The following MYT1 variants were observed in gnomAD, a reference collection of about 807,000 sequenced individuals.
The protein encoded by MYT1 is myelin transcription factor I.
Under a neutral mutation model 123.0 loss-of-function variants are expected in MYT1, and 23 were observed. The observed-to-expected ratio is 0.19, with a 90% CI of 0.13 to 0.26. The LOEUF is 0.26. Among genes scored for constraint, MYT1 ranks in the 10% least tolerant of loss-of-function variants. The probability of loss-of-function intolerance (pLI) is 1.00; values close to 1 mark genes in which losing one functional copy is unlikely to be tolerated. For missense variants in MYT1, 1,125 were observed against 1,472.5 expected, an observed-to-expected ratio of 0.76 and a Z score of 3.86; for synonymous variants, 518 against 575.3, an observed-to-expected ratio of 0.90 and a Z score of 1.43.
intron 4 of MYT1, 142 bp downstream of exon 4, chr20:64,200,064 C>T: frequency 3.2e-6 from 3 of 949,554 alleles, no homozygotes; most frequent in Non-Finnish European, 5.1e-6. Flanking sequence ...GACTGCCTTT[C>T]TCCTGGCCAC....
In MYT1 at chr20:64,189,191, C is replaced by A. The variant is rs76266497; in HGVS notation, c.-98-872C>A. Reference sequence around the variant, plus strand: ...AAAGTGGGTGGGAATAGCGTGCCTTCGGCAGAATCCAAACTCACTTCCAAG... The same window carrying A: ...AAAGTGGGTGGGAATAGCGTGCCTTAGGCAGAATCCAAACTCACTTCCAAG... On this transcript the variant is annotated intron_variant, in intron 1 of 22. Coordinates refer to ENST00000328439, the MANE Select transcript of MYT1 (RefSeq NM_004535.3). The surrounding 1 kb of genome is among the most constrained non-coding windows in gnomAD (Gnocchi z 5.5). Among the ~76,000 whole-genome samples the A allele has an allele frequency of 5.9e-5, 9 of 152,184 alleles. No homozygotes were observed. Among genetic ancestry groups the A allele is most frequent in the Admixed American group, 3.9e-4 (6 of 15,286 alleles).
At chr20:64,181,587 C>T (rs1173761589) in intron 1 of MYT1, among the ~76,000 whole-genome samples, 2 of 152,326 alleles carry the variant, frequency 1.3e-5, no homozygotes, top group Middle Eastern at 3.4e-3. Context: ...TGTCCACATG[C>T]GTCTGGAGAG....
At chr20:64,195,120 C>G (rs1001848305) in intron 2 of MYT1, among the ~76,000 whole-genome samples, 1 of 152,014 alleles carries the variant, frequency 6.6e-6, no homozygotes, top group Middle Eastern at 3.2e-3. Context: ...TCCCAAAGTG[C>G]TGGGATTACA....
chr20:64,192,251 C>T lies in MYT1; in HGVS notation c.-1+2091C>T, dbSNP rs941642112. The stretch of plus-strand genomic sequence containing the variant: ...TCCCTTCTTTTCTTGCAGATAGGGC[C>T]GAGTGACTGCTCTGAATAGAGAAGC... On this transcript the variant is annotated intron_variant, in intron 2 of 22. Transcript: ENST00000328439. The surrounding 1 kb of genome is among the most constrained non-coding windows in gnomAD (Gnocchi z 5.3). Among the ~76,000 whole-genome samples, 1 of 152,128 alleles carries T rather than the reference C, an allele frequency of 6.6e-6. No homozygotes were observed. Among genetic ancestry groups the T allele is most frequent in the Non-Finnish European group, 1.5e-5 (1 of 68,020 alleles).
intron 6 of MYT1, among the ~76,000 whole-genome samples, chr20:64,206,402 G>A (rs909484222): frequency 1.3e-5 from 2 of 152,218 alleles, no homozygotes; most frequent in Admixed American, 1.3e-4. Context: ...GGACTGCCAT[G>A]TTGGAGCTCC....
rs1172893643 is a variant in MYT1, at chr20:64,236,622, A to G, written c.2965A>G (p.Ser989Gly). 5.0e-6 allele frequency: 8 copies of G among 1,613,632 alleles called. No individual in the cohort carries two copies. Among genetic ancestry groups the G allele is most frequent in the Non-Finnish European group, 6.8e-6 (8 of 1,179,842 alleles). ...KGKLSGDEVL[S>G]PKFKTSDVLE... The stretch of plus-strand genomic sequence containing the variant: ...AAAACTGTCAGGGGATGAGGTCCTC[A>G]GTCCAAAGTTCAAGACTAGCGACGG... The change falls in exon 20 of 23, where the codon AGT (serine) becomes GGT (glycine). Residue 989 changes from serine to glycine, a missense_variant. Ser to Gly is a moderately conservative substitution (Grantham distance 56). Around this residue, in one of 4 missense-constraint regions of MYT1, gnomAD observed 243 missense variants for 323.1 expected, o/e 0.75. Transcript: ENST00000328439.
At position 64,186,640 on chromosome 20, in the gene MYT1, G is replaced by A. The variant is rs1816237032; in HGVS notation, c.-98-3423G>A. Among the ~76,000 whole-genome samples, 2 of 152,278 alleles carry A rather than the reference G, an allele frequency of 1.3e-5. No homozygotes were observed. The highest frequency in any genetic ancestry group is 2.1e-4 in the South Asian group (1 of 4,838). On this transcript the variant is annotated intron_variant, in intron 1 of 22. Coordinates refer to ENST00000328439, the MANE Select transcript of MYT1 (RefSeq NM_004535.3). This position sits in a 1 kb window ranked among gnomAD's most constrained non-coding sequence, Gnocchi z 4.3. The stretch of plus-strand genomic sequence containing the variant: ...CCTGCTGCTCAGGTCTGAGTTGGTG[G>A]CAGTGCCCTGTGTGAGCTTTGGGGA...
At position 64,196,373 on chromosome 20, in the gene MYT1, C is replaced by T. The variant is rs938821393; in HGVS notation, c.1-2489C>T. Among the ~76,000 whole-genome samples, 1 of 152,238 alleles carries T rather than the reference C, an allele frequency of 6.6e-6. No homozygotes were observed. The highest frequency in any genetic ancestry group is 2.4e-5 in the African/African-American group (1 of 41,454). Reference sequence around the variant, plus strand: ...CCATCTACCACATCGTGGTGCCGATCTTGCGGCAGGAGGAGAGCAGAGAAC... The same window carrying T: ...CCATCTACCACATCGTGGTGCCGATTTTGCGGCAGGAGGAGAGCAGAGAAC... On this transcript the variant is annotated intron_variant, in intron 2 of 22. Transcript: ENST00000328439. The surrounding 1 kb of genome is among the most constrained non-coding windows in gnomAD (Gnocchi z 4.3).
intron 3 of MYT1, among the ~76,000 whole-genome samples, chr20:64,199,253 G>C (rs751375935): frequency 1.3e-5 from 2 of 152,206 alleles, no homozygotes; most frequent in Non-Finnish European, 2.9e-5. Flanking sequence ...CTTCCCAGGC[G>C]ATCAGTCTTG....
At position 64,231,884 on chromosome 20, in the gene MYT1, G is replaced by A. The variant is rs1984330061; in HGVS notation, c.2676-280G>A. On this transcript the variant is annotated intron_variant, in intron 18 of 22. Coordinates refer to ENST00000328439, the MANE Select transcript of MYT1 (RefSeq NM_004535.3). The surrounding 1 kb of genome is among the most constrained non-coding windows in gnomAD (Gnocchi z 6.4). ...AGCAGCCCCCAGGCCCAGGGTCACG[G>A]CTGCTGGAGGGCACGGAAAGAAGGT... Among the ~76,000 whole-genome samples the A allele has an allele frequency of 1.3e-5, 2 of 152,214 alleles. No individual in the cohort carries two copies. The highest frequency in any genetic ancestry group is 2.9e-5 in the Non-Finnish European group (2 of 68,034).
chr20:64,169,102 C>A (rs1050822997), intron 1 of MYT1, among the ~76,000 whole-genome samples: 5 of 152,184 alleles, frequency 3.3e-5, no homozygotes, highest in African/African-American at 1.2e-4. Context: ...TGGAGCCTCT[C>A]ACCTGGTCCT....
At chr20:64,220,319 T>C (rs908559865) in intron 13 of MYT1, among the ~76,000 whole-genome samples, 3 of 151,264 alleles carry the variant, frequency 2.0e-5, no homozygotes, top group South Asian at 2.1e-4. Flanking sequence ...ATCCCAGGAG[T>C]TGATTGGGGA....
rs533652964 is a variant in MYT1, at chr20:64,205,247, C to T, written c.149+150C>T. 6.2e-5 allele frequency: 62 copies of T among 995,392 alleles called. 1 individual carries two copies. In the South Asian group the frequency reaches 7.5e-4, roughly 12 times the overall value. 61.7% of individuals were successfully genotyped at this position (995,392 alleles called of 1,614,324 possible). On this transcript the variant is annotated intron_variant, in intron 5 of 22. Coordinates refer to ENST00000328439, the MANE Select transcript of MYT1 (RefSeq NM_004535.3). ...GCGAGGCAGCGACCTCCCACTCTAGCGTGGAGATCTGTGTGGCCATGGGCG... is the reference window on the plus strand; with the variant it reads ...GCGAGGCAGCGACCTCCCACTCTAGTGTGGAGATCTGTGTGGCCATGGGCG...
At chr20:64,227,192 G>A (rs746269646) in intron 16 of MYT1, among the ~76,000 whole-genome samples, 12 of 152,196 alleles carry the variant, frequency 7.9e-5, no homozygotes, top group Non-Finnish European at 1.2e-4. Flanking sequence ...TCGGGGAGAC[G>A]GGGGAGCAAA....
chr20:64,178,559 C>A (rs416863), intron 1 of MYT1, among the ~76,000 whole-genome samples: 30 of 84,252 alleles, frequency 3.6e-4, no homozygotes, highest in East Asian at 1.3e-3. Context: ...AGCACTGAGC[C>A]GTTATTCGGT....
Position 64,231,811 on chromosome 20 carries a change from G to A in MYT1, c.2676-353G>A, listed in dbSNP as rs1196829977. On this transcript the variant is annotated intron_variant, in intron 18 of 22. Coordinates refer to ENST00000328439, the MANE Select transcript of MYT1 (RefSeq NM_004535.3). This position sits in a 1 kb window ranked among gnomAD's most constrained non-coding sequence, Gnocchi z 6.4. ...GCTGACAACATGGCTCCACATTGCTGAGTGACACACAAGTGACTCCAGCAG... is the reference window on the plus strand; with the variant it reads ...GCTGACAACATGGCTCCACATTGCTAAGTGACACACAAGTGACTCCAGCAG... Among the ~76,000 whole-genome samples the A allele has an allele frequency of 2.0e-5, 3 of 152,176 alleles. No individual in the cohort carries two copies. The highest frequency in any genetic ancestry group is 2.9e-5 in the Non-Finnish European group (2 of 68,032).
rs1244868137 is a variant in MYT1, at chr20:64,193,845, G to A, written c.-1+3685G>A. Among the ~76,000 whole-genome samples the A allele has an allele frequency of 6.6e-6, 1 of 152,016 alleles. No individual in the cohort carries two copies. Among genetic ancestry groups the A allele is most frequent in the Admixed American group, 6.6e-5 (1 of 15,254 alleles). On this transcript the variant is annotated intron_variant, in intron 2 of 22. Transcript: ENST00000328439. This position sits in a 1 kb window ranked among gnomAD's most constrained non-coding sequence, Gnocchi z 4.0. ...TTTTATGGATTTTTAAAGAATAGTT[G>A]TAAGTCCATTCTAATTCTCCAGATT...
intron 18 of MYT1, among the ~76,000 whole-genome samples, chr20:64,229,568 C>T (rs534820260): frequency 3.9e-5 from 6 of 152,288 alleles, no homozygotes; most frequent in Admixed American, 1.3e-4. Flanking sequence ...CTGAACCCTC[C>T]GTTTTACAGG....
chr20:64,170,197 T>C (rs972934880), intron 1 of MYT1, among the ~76,000 whole-genome samples: 10 of 152,228 alleles, frequency 6.6e-5, no homozygotes, highest in African/African-American at 2.4e-4. Context: ...TTTGCTTCTC[T>C]TTCAAGGCTT....
Sources: gnomAD v4.1 joint callset for allele counts (sites outside exome capture counted in the v4.1 genomes callset) on GRCh38, gnomAD v4.1.1 for gene constraint, gnomAD v4.1.1 regional missense constraint, Gnocchi (gnomAD v3.1) non-coding constraint, MANE v1.5 for transcripts, NCBI Gene and HGNC (gene_info 2026-07-23, HGNC 2026-07-21) for gene names.